The following REPS1 variants were observed in gnomAD, a reference collection of about 807,000 sequenced individuals.
REPS1 encodes the protein ralBP1-associated Eps domain-containing protein 1.
REPS1 carries 39 observed loss-of-function variants against 100.9 expected under a neutral mutation model. The ratio of observed to expected loss-of-function variants is 0.39; its 90% confidence interval spans 0.30 to 0.50. REPS1 has a LOEUF of 0.50. REPS1 is among the 20% of genes least tolerant of loss of function. REPS1 has a pLI of 0.86. For synonymous variants in REPS1, 324 were observed against 340.3 expected, an observed-to-expected ratio of 0.95 and a Z score of 0.53; for missense variants, 821 against 968.5, an observed-to-expected ratio of 0.85 and a Z score of 2.02.
At chr6:138,958,963 C>T (rs9495290) in intron 1 of REPS1, among the ~76,000 whole-genome samples, 35,919 of 152,094 alleles carry the variant, frequency 0.24, 5,099 homozygotes, top group African/African-American at 0.4. Flanking sequence ...TGGAGTAGAA[C>T]TGGTACTATC....
chr6:138,946,210 AT>A (rs909947417), intron 2 of REPS1, among the ~76,000 whole-genome samples: 1 of 152,200 alleles, frequency 6.6e-6, no homozygotes, highest in African/African-American at 2.4e-5. Context: ...CTGAGACTAG[AT>A]TTAGAAATTT....
chr6:138,907,875 C>A (rs1194401838), intron 18 of REPS1, among the ~76,000 whole-genome samples: 5 of 151,932 alleles, frequency 3.3e-5, no homozygotes, highest in Non-Finnish European at 7.4e-5. Flanking sequence ...ACTGGCAAAC[C>A]TTTTCTGTAA....
intron 1 of REPS1, among the ~76,000 whole-genome samples, chr6:138,982,627 G>C (rs1326189621): frequency 6.6e-6 from 1 of 152,206 alleles, no homozygotes; most frequent in Non-Finnish European, 1.5e-5. Flanking sequence ...TCGGCAGACA[G>C]CAAAATTCCT....
intron 8 of REPS1, among the ~76,000 whole-genome samples, chr6:138,932,844 G>A (rs1485586177): frequency 1.3e-5 from 2 of 152,142 alleles, no homozygotes; most frequent in Middle Eastern, 3.2e-3. Flanking sequence ...TGTTTCCAAT[G>A]GTTACTAATG....
chr6:138,906,606 A>T (rs1779669498), intron 19 of REPS1, among the ~76,000 whole-genome samples: 1 of 152,226 alleles, frequency 6.6e-6, no homozygotes, highest in African/African-American at 2.4e-5. Flanking sequence ...AGTGTAATAA[A>T]TGCTAAATGA....
chr6:138,979,038 AG>A (rs1784762541), intron 1 of REPS1, among the ~76,000 whole-genome samples: 1 of 152,010 alleles, frequency 6.6e-6, no homozygotes, highest in African/African-American at 2.4e-5. Flanking sequence ...AAAATCAGCC[AG>A]GCGTGGTGGT....
intron 19 of REPS1, 57 bp downstream of exon 19, chr6:138,907,438 T>G (rs775127591): frequency 4.1e-4 from 500 of 1,228,708 alleles, no homozygotes; most frequent in Non-Finnish European, 5.7e-4. Context: ...ACATTCCTTC[T>G]CTTTAGGTTT....
chr6:138,975,058 C>A (rs1461669511), intron 1 of REPS1, among the ~76,000 whole-genome samples: 1 of 151,998 alleles, frequency 6.6e-6, no homozygotes, highest in Non-Finnish European at 1.5e-5. Flanking sequence ...CAGGAACCAC[C>A]ACCAAGTCTG....
rs541688708 is a variant in REPS1 at position 138,910,598 on chromosome 6, C to G, written c.2067+678G>C. 2.6e-5 allele frequency among the ~76,000 whole-genome samples: 4 copies of G among 152,282 alleles called. No individual in the cohort carries two copies. In the East Asian group the frequency reaches 7.7e-4, roughly 29 times the overall value. On this transcript the variant is annotated intron_variant, in intron 17 of 19. Transcript: ENST00000450536. ...CAAACTCCTGAGTTCAAGTGATCCG[C>G]CTGCCTTGGACTCTCAAAGTGCTGG...
intron 9 of REPS1, 184 bp from the exon 10 acceptor site, chr6:138,926,665 A>T: frequency 1.8e-6 from 1 of 562,392 alleles, no homozygotes; most frequent in Non-Finnish European, 3.2e-6. Context: ...CTTGTAATGT[A>T]AGGTGAGGAG....
Position 138,921,945 on chromosome 6 carries a change from T to C in REPS1, c.1339-821A>G, listed in dbSNP as rs1392652270. ...TGTGATCATGCCACATCATTTCAGCTTAGGTGACAGAGCTAGACCACATCT... is the reference window on the plus strand; with the variant it reads ...TGTGATCATGCCACATCATTTCAGCCTAGGTGACAGAGCTAGACCACATCT... On this transcript the variant is annotated intron_variant, in intron 10 of 19. Coordinates refer to ENST00000450536, the MANE Select transcript of REPS1 (RefSeq NM_001286611.2). 4.7e-5 allele frequency among the ~76,000 whole-genome samples: 7 copies of C among 148,340 alleles called. No individual in the cohort carries two copies. In the East Asian group the frequency reaches 1.4e-3, roughly 29 times the overall value.
At position 138,954,869 on chromosome 6, in the gene REPS1, A is replaced by G. The variant is rs375276294; in HGVS notation, c.154-6956T>C. ...CTAATTTTTTTCTACATGTACACAAACACACAAGCACACATAATACATACA... is the reference window on the plus strand; with the variant it reads ...CTAATTTTTTTCTACATGTACACAAGCACACAAGCACACATAATACATACA... On this transcript the variant is annotated intron_variant, in intron 1 of 19. Transcript: ENST00000450536. Among the ~76,000 whole-genome samples the G allele has an allele frequency of 2.0e-5, 3 of 152,298 alleles. 1 individual carries two copies.
chr6:138,978,587 G>C (rs1784735263), intron 1 of REPS1, among the ~76,000 whole-genome samples: 2 of 151,956 alleles, frequency 1.3e-5, no homozygotes, highest in South Asian at 4.2e-4. Context: ...TAGGATTACA[G>C]GCATAAGTCA....
intron 1 of REPS1, among the ~76,000 whole-genome samples, chr6:138,960,179 T>C (rs1235889233): frequency 6.6e-6 from 1 of 152,212 alleles, no homozygotes; most frequent in Non-Finnish European, 1.5e-5. Flanking sequence ...AACCCCCTTT[T>C]GGTTTAATAC....
intron 1 of REPS1, among the ~76,000 whole-genome samples, chr6:138,978,119 A>G: frequency 6.7e-6 from 1 of 149,948 alleles, no homozygotes; most frequent in Admixed American, 6.6e-5. Flanking sequence ...CTTATAAGTG[A>G]GTTGTAAGAT....
At chr6:138,981,521 A>G (rs918614126) in intron 1 of REPS1, among the ~76,000 whole-genome samples, 8 of 152,270 alleles carry the variant, frequency 5.3e-5, no homozygotes, top group African/African-American at 1.7e-4. Context: ...TGGATTTATG[A>G]CCCTTTCATC....
At chr6:138,905,436 C>A (rs968891779) in intron 19 of REPS1, among the ~76,000 whole-genome samples, 1 of 149,140 alleles carries the variant, frequency 6.7e-6, no homozygotes, top group East Asian at 2.0e-4. Context: ...GGACTACAGG[C>A]GCCCGCCACC....
intron 1 of REPS1, among the ~76,000 whole-genome samples, chr6:138,968,913 A>C (rs1213542347): frequency 6.6e-6 from 1 of 152,142 alleles, no homozygotes; most frequent in Non-Finnish European, 1.5e-5. Flanking sequence ...AACAACAAAA[A>C]AGAGAACAGC....
In REPS1 at chr6:138,938,245, C is replaced by T. The variant is rs149293439; in HGVS notation, c.1135+3090G>A. 1.6e-4 allele frequency among the ~76,000 whole-genome samples: 25 copies of T among 152,222 alleles called. No homozygotes were observed. The East Asian group carries it at 4.4e-3, about 27-fold the overall frequency. On this transcript the variant is annotated intron_variant, in intron 8 of 19. Transcript: ENST00000450536. ...AGTAGTTCTATTTTATCTATGCATA[C>T]CTGTTCAAGCAATTTTGGAAAAAAT...
Sources: allele counts gnomAD v4.1 joint callset (sites outside exome capture counted in the v4.1 genomes callset), GRCh38; gene constraint gnomAD v4.1.1; transcripts MANE v1.5; gene names NCBI Gene and HGNC (gene_info 2026-07-23, HGNC 2026-07-21).